The following UTY variants were observed in gnomAD, a reference collection of about 807,000 sequenced individuals.
UTY encodes the protein ubiquitously transcribed tetratricopeptide repeat containing, Y-linked.
Under a neutral mutation model 32.5 loss-of-function variants are expected in UTY, and 12 were observed. That is an observed-to-expected ratio of 0.37 (90% CI 0.24 to 0.60). The LOEUF (loss-of-function observed/expected upper bound fraction) is 0.60, where lower values mean the gene tolerates loss of function less well. Among genes scored for constraint, UTY ranks in the 20% least tolerant of loss-of-function variants. The pLI, the probability that UTY is intolerant of heterozygous loss-of-function variation, is 0.69. For missense variants in UTY, 303 were observed against 299.2 expected (o/e 1.01, Z -0.09); for synonymous variants, 131 against 103.4 (o/e 1.27, Z -1.62).
At chrY:13,407,843 G>C (rs763715086) in intron 6 of UTY, among the ~76,000 whole-genome samples, 1 of 32,817 alleles carries the variant, frequency 3.0e-5, no homozygotes, top group Admixed American at 2.8e-4. Flanking sequence ...GATCTACTGC[G>C]AAAACTACCT....
chrY:13,393,849 A>G lies in UTY; in HGVS notation c.645+10T>C. On this transcript the variant is annotated intron_variant, in intron 8 of 29. Coordinates refer to ENST00000545955, the MANE Select transcript of UTY (RefSeq NM_001258249.2). ...CTGTTTCATTCTTGTTCTTAAGTTA[A>G]AACACTTACCTGGGTTTCATACAAA... is the stretch of plus-strand genomic sequence containing the variant. 1 of 383,237 alleles carries G rather than the reference A, an allele frequency of 2.6e-6. No individual in the cohort carries two copies. Among genetic ancestry groups the G allele is most frequent in the Non-Finnish European group, 3.6e-6 (1 of 274,866 alleles).
intron 27 of UTY, among the ~76,000 whole-genome samples, chrY:13,293,389 T>C (rs2057860923): frequency 3.0e-5 from 1 of 33,074 alleles, no homozygotes; most frequent in African/African-American, 1.2e-4. Context: ...TTTTGGTTCA[T>C]TGCAATCTCT....
chrY:13,364,419 T>C (rs2063879668), intron 10 of UTY, among the ~76,000 whole-genome samples: 1 of 32,874 alleles, frequency 3.0e-5, no homozygotes, highest in African/African-American at 1.2e-4. Flanking sequence ...GTTTGAAGTG[T>C]AGTGACATGA....
intron 21 of UTY, among the ~76,000 whole-genome samples, chrY:13,316,904 G>A (rs772618428): frequency 3.0e-5 from 1 of 33,771 alleles, no homozygotes; most frequent in African/African-American, 1.1e-4. Flanking sequence ...CTTTGTTGAT[G>A]TAAAAGTCCA....
chrY:13,453,544 G>A (rs923742573), intron 3 of UTY, among the ~76,000 whole-genome samples: 2 of 33,623 alleles, frequency 5.9e-5, no homozygotes, highest in African/African-American at 1.2e-4. Context: ...CTTTATTTTC[G>A]AGAATATACA....
intron 24 of UTY, among the ~76,000 whole-genome samples, chrY:13,303,884 T>C (rs775514676): frequency 5.9e-5 from 2 of 33,788 alleles, no homozygotes; most frequent in African/African-American, 1.2e-4. Context: ...GGCAGACTTG[T>C]GAAAAATATC....
At chrY:13,334,897 T>C in intron 18 of UTY, among the ~76,000 whole-genome samples, 4 of 33,694 alleles carry the variant, frequency 1.2e-4, no homozygotes, top group Non-Finnish European at 2.9e-4. Flanking sequence ...CATGCACATA[T>C]TATTGCAGGG....
At chrY:13,371,443 CCTT>C (rs2064923462) in intron 8 of UTY, among the ~76,000 whole-genome samples, 1 of 33,011 alleles carries the variant, frequency 3.0e-5, no homozygotes, top group Non-Finnish European at 7.5e-5. Context: ...TTTAGTCCCT[CCTT>C]ATCTGCAGTT....
chrY:13,315,385 G>C (rs2059428203), intron 21 of UTY, among the ~76,000 whole-genome samples: 1 of 34,036 alleles, frequency 2.9e-5, no homozygotes, highest in South Asian at 6.3e-4. Flanking sequence ...AAGGCAGGGA[G>C]ATCACCTGAG....
chrY:13,401,948 G>A, intron 6 of UTY, among the ~76,000 whole-genome samples: 1 of 33,000 alleles, frequency 3.0e-5, no homozygotes, highest in African/African-American at 1.2e-4. Flanking sequence ...AAAGAAAAAA[G>A]AGAGGTATAT....
At chrY:13,400,910 G>A in intron 6 of UTY, among the ~76,000 whole-genome samples, 1 of 33,217 alleles carries the variant, frequency 3.0e-5, no homozygotes, top group East Asian at 7.7e-4. Context: ...AGAAAACTGG[G>A]AAATAAAAAG....
Position 13,369,295 on chromosome Y carries a change from G to A in UTY, c.700C>T (p.Leu234Phe). Residue 234 changes from leucine (L) to phenylalanine (F), a missense_variant, in exon 9 of 30, where the codon CTT becomes TTT. By Grantham distance (22) the Leu-to-Phe change is conservative. Transcript: ENST00000545955. ...AYEQLLQTEN[L>F]PAQVKATVLQ... The stretch of plus-strand genomic sequence containing the variant: ...ACAGTTGCTTTTACTTGTGCAGGAA[G>A]GTTTTCTGTCTGCAAAAGTTGTTCA... 1 of 366,894 alleles carries A rather than the reference G, an allele frequency of 2.7e-6. No homozygotes were observed. The highest frequency in any genetic ancestry group is 8.5e-5 in the Admixed American group (1 of 11,757). The allele number at this position is 366,894 out of a possible 400,897, so 91.5% of individuals were successfully genotyped here.
intron 8 of UTY, among the ~76,000 whole-genome samples, chrY:13,386,912 C>G (rs2066888624): frequency 3.0e-5 from 1 of 33,115 alleles, no homozygotes; most frequent in Non-Finnish European, 7.5e-5. Flanking sequence ...GGCAGGAGAA[C>G]TGCTTGAATA....
intron 2 of UTY, chrY:13,476,149 C>T (rs200707230): frequency 6.5e-6 from 1 of 153,440 alleles, no homozygotes; most frequent in East Asian, 6.0e-4. Flanking sequence ...GTATGTCCAA[C>T]GTTGTACCCA....
rs2063494736 is a variant in UTY at position 13,360,911 on chromosome Y, TTTATA to T, written c.867-388_867-384del. The stretch of plus-strand genomic sequence containing the variant: ...GAGAAAAGTACCTTTGATAATGACT[TTTATA>T]TTAGGATTTAATAGTCCCCTTCCAC... On this transcript the variant is annotated intron_variant, in intron 10 of 29. Coordinates refer to ENST00000545955, the MANE Select transcript of UTY (RefSeq NM_001258249.2). Among the ~76,000 whole-genome samples the T allele has an allele frequency of 9.0e-5, 3 of 33,179 alleles. No individual in the cohort carries two copies. In the South Asian group the frequency reaches 2.0e-3, roughly 22 times the overall value. 89.0% of individuals were successfully genotyped at this position (33,179 alleles called of 37,273 possible). A position where few individuals can be genotyped will look rare whatever the true frequency, so the allele number is the denominator to read the frequency against.
intron 23 of UTY, chrY:13,305,785 T>C: frequency 1.2e-5 from 1 of 86,482 alleles, no homozygotes; most frequent in Non-Finnish European, 1.6e-5. Flanking sequence ...TTTCTATTTA[T>C]AAAGTTGTAT....
intron 9 of UTY, among the ~76,000 whole-genome samples, chrY:13,367,338 T>C: frequency 6.0e-5 from 2 of 33,085 alleles, no homozygotes; most frequent in South Asian, 1.3e-3. Flanking sequence ...CTAGGCTATA[T>C]GGAAAAAGCA....
In UTY at chrY:13,359,965, A is replaced by C; in HGVS notation, c.987T>G (p.Asn329Lys). The change falls in exon 12 of 30, where the codon AAT becomes AAG. Residue 329 changes from asparagine to lysine, a missense_variant. By Grantham distance (94) the Asn-to-Lys change is moderately conservative. Transcript: ENST00000545955. ...ATGCCTGTAAAGCATCCATAGGCTG[A>C]TTTTGCTGCTGATACAACACACTGG... ...CSIGVLYQQQ[N>K]QPMDALQAYI... The C allele has an allele frequency of 2.5e-6, 1 of 397,452 alleles. No homozygotes were observed. Among genetic ancestry groups the C allele is most frequent in the Non-Finnish European group, 3.5e-6 (1 of 282,876 alleles).
chrY:13,400,536 A>T (rs765531232), intron 6 of UTY, among the ~76,000 whole-genome samples: 1 of 33,095 alleles, frequency 3.0e-5, no homozygotes, highest in Admixed American at 2.8e-4. Flanking sequence ...ACTCTTCTTA[A>T]ACATTATACT....
Sources: allele counts gnomAD v4.1 joint callset (sites outside exome capture counted in the v4.1 genomes callset), GRCh38; gene constraint gnomAD v4.1.1; transcripts MANE v1.5; gene names NCBI Gene and HGNC (gene_info 2026-07-23, HGNC 2026-07-21).